DENR: variants seen among roughly 807,000 people sequenced by gnomAD.
DENR encodes the protein density-regulated protein.
DENR carries 6 observed loss-of-function variants against 30.6 expected under a neutral mutation model. The observed-to-expected ratio is 0.20, with a 90% confidence interval of 0.11 to 0.39. DENR has a LOEUF of 0.39. Among genes scored for constraint, DENR ranks in the 10% least tolerant of loss-of-function variants. The probability of loss-of-function intolerance (pLI) is 1.00; values close to 1 mark genes in which losing one functional copy is unlikely to be tolerated. For missense variants in DENR, 141 were observed against 230.9 expected, an observed-to-expected ratio of 0.61 and a Z score of 2.52; for synonymous variants, 78 against 72.1, an observed-to-expected ratio of 1.08 and a Z score of -0.41.
Position 122,769,299 on chromosome 12 carries a change from CATATATACACATATGTATACATAT to C in DENR, c.*229_*252del. 1 of 685,338 alleles carries C rather than the reference CATATATACACATATGTATACATAT, an allele frequency of 1.5e-6. No homozygotes were observed. The highest frequency in any genetic ancestry group is 1.6e-6 in the Non-Finnish European group (1 of 608,970). The allele number at this position is 685,338 out of a possible 1,614,324, so 42.5% of individuals were successfully genotyped here. On this transcript the variant is annotated 3_prime_UTR_variant, in exon 8 of 8. Transcript: ENST00000280557. ...ATACATATATACACATATATGTATA[CATATATACACATATGTATACATAT>C]ATATATATTCTACAGTAAAACTGTA...
chr12:122,764,196 C>G (rs1878782570), intron 4 of DENR, among the ~76,000 whole-genome samples: 1 of 152,064 alleles, frequency 6.6e-6, no homozygotes, highest in African/African-American at 2.4e-5. Flanking sequence ...GCATTGTGGG[C>G]TGTTTTGGCT....
intron 5 of DENR, among the ~76,000 whole-genome samples, chr12:122,765,798 A>G (rs761291430): frequency 6.6e-6 from 1 of 152,138 alleles, no homozygotes; most frequent in Non-Finnish European, 1.5e-5. Flanking sequence ...CCCTGTTTGT[A>G]TGTAAAAAAC....
At chr12:122,760,601 G>C (rs1878672990) in intron 2 of DENR, among the ~76,000 whole-genome samples, 1 of 152,034 alleles carries the variant, frequency 6.6e-6, no homozygotes, top group South Asian at 2.1e-4. Flanking sequence ...CGCGGTGGCG[G>C]GCACCTGTAG....
At chr12:122,762,561 G>C (rs574367397) in intron 3 of DENR, among the ~76,000 whole-genome samples, 50 of 152,298 alleles carry the variant, frequency 3.3e-4, no homozygotes, top group South Asian at 1.0e-3. Context: ...TCTAAGTCCA[G>C]CTCTATGAGC....
At position 122,768,764 on chromosome 12, in the gene DENR, C is replaced by CT; in HGVS notation, c.413-11dup. On this transcript the variant is annotated splice_polypyrimidine_tract_variant and intron_variant, in intron 6 of 7. Coordinates refer to ENST00000280557, the MANE Select transcript of DENR (RefSeq NM_003677.5). ...ATTCCAATTACAGTTCTTGCTCTTTCTTTTTTTAAAAAAATAGAAATTGAT... is the reference window on the plus strand; with the variant it reads ...ATTCCAATTACAGTTCTTGCTCTTTCTTTTTTTTAAAAAAATAGAAATTGAT... 1.3e-6 allele frequency: 2 copies of CT among 1,525,524 alleles called. No individual in the cohort carries two copies. The highest frequency in any genetic ancestry group is 1.8e-6 in the Non-Finnish European group (2 of 1,137,088). 94.5% of individuals were successfully genotyped at this position (1,525,524 alleles called of 1,614,324 possible). A position where few individuals can be genotyped will look rare whatever the true frequency, so the allele number is the denominator to read the frequency against.
chr12:122,755,535 C>T (rs75789455), intron 2 of DENR, among the ~76,000 whole-genome samples: 8,452 of 152,244 alleles, frequency 0.056, 410 homozygotes, highest in East Asian at 0.27. Flanking sequence ...GCCGAGATCA[C>T]GCCATTGCAC....
At chr12:122,767,380 TG>T in intron 5 of DENR, 107 bp from the exon 6 acceptor site, 1 of 696,508 alleles carries the variant, frequency 1.4e-6, no homozygotes, top group Non-Finnish European at 2.3e-6. Context: ...TAGTAATTTT[TG>T]TATTAGAGAA....
chr12:122,764,444 A>G (rs1441646976), intron 4 of DENR, among the ~76,000 whole-genome samples: 1 of 152,110 alleles, frequency 6.6e-6, no homozygotes, highest in Non-Finnish European at 1.5e-5. Context: ...CTAAAAATAC[A>G]AAAAATTAGC....
In DENR at chr12:122,767,613, A is replaced by G; in HGVS notation, c.412+9A>G. ...TGGCCTTGCAACTTTTGGTGAGTTC[A>G]GGCTTAAGTATATTTAAAATGTGTG... On this transcript the variant is annotated intron_variant, in intron 6 of 7. Transcript: ENST00000280557. The G allele has an allele frequency of 2.0e-6, 3 of 1,467,088 alleles. No individual in the cohort carries two copies. The highest frequency in any genetic ancestry group is 2.8e-6 in the Non-Finnish European group (3 of 1,078,142). The allele number at this position is 1,467,088 out of a possible 1,614,324, so 90.9% of individuals were successfully genotyped here. A position where few individuals can be genotyped will look rare whatever the true frequency, so the allele number is the denominator to read the frequency against.
chr12:122,767,128 T>G (rs1878872156), intron 5 of DENR, among the ~76,000 whole-genome samples: 1 of 152,250 alleles, frequency 6.6e-6, no homozygotes, highest in African/African-American at 2.4e-5. Context: ...GGAAACTTTC[T>G]GTGTCCTCTG....
chr12:122,765,630 AC>A (rs1355161219), intron 5 of DENR, among the ~76,000 whole-genome samples: 2 of 152,146 alleles, frequency 1.3e-5, no homozygotes, highest in African/African-American at 2.4e-5. Flanking sequence ...CTCATCCCTT[AC>A]AAAAAGGGGG....
intron 4 of DENR, among the ~76,000 whole-genome samples, chr12:122,763,882 T>C (rs1403364161): frequency 6.6e-6 from 1 of 152,116 alleles, no homozygotes; most frequent in Non-Finnish European, 1.5e-5. Flanking sequence ...AAACATAGTA[T>C]GTAGACAGTA....
intron 2 of DENR, among the ~76,000 whole-genome samples, chr12:122,756,420 C>G (rs956192742): frequency 1.3e-5 from 2 of 151,908 alleles, no homozygotes; most frequent in Non-Finnish European, 2.9e-5. Flanking sequence ...CTGCACTCAG[C>G]CTTTGAGAGC....
chr12:122,768,681 C>CT (rs1242016856), intron 6 of DENR, 101 bp from the exon 7 acceptor site: 15 of 1,056,582 alleles, frequency 1.4e-5, no homozygotes, highest in Non-Finnish European at 2.0e-5. Context: ...CATTAACAAT[C>CT]TGTTTTATGA....
intron 2 of DENR, among the ~76,000 whole-genome samples, chr12:122,757,272 C>CA (rs1878574749): frequency 6.6e-6 from 1 of 152,098 alleles, no homozygotes; most frequent in Non-Finnish European, 1.5e-5. Flanking sequence ...ATTTAGGAAA[C>CA]ACGTTTTAAG....
At chr12:122,768,954 TAA>T in intron 7 of DENR, 33 bp downstream of exon 7, 1 of 1,603,948 alleles carries the variant, frequency 6.2e-7, no homozygotes, top group South Asian at 1.1e-5. Context: ...TCGCTAGAGA[TAA>T]GTTTTTAAAG....
chr12:122,754,125 A>C (rs2135506997), intron 2 of DENR: 1 of 342,816 alleles, frequency 2.9e-6, no homozygotes, highest in East Asian at 6.4e-5. Flanking sequence ...ATTATGAGTT[A>C]AGGATGGCAA....
At chr12:122,759,517 T>G (rs1462446158) in intron 2 of DENR, among the ~76,000 whole-genome samples, 1 of 152,008 alleles carries the variant, frequency 6.6e-6, no homozygotes, top group African/African-American at 2.4e-5. Context: ...GGCCAGGAGT[T>G]CAAGACCAGC....
chr12:122,766,075 A>G (rs1293636402), intron 5 of DENR, among the ~76,000 whole-genome samples: 1 of 150,950 alleles, frequency 6.6e-6, no homozygotes, highest in Non-Finnish European at 1.5e-5. Context: ...CTCTCCCCAA[A>G]GCTCATGTCT....
Sources: allele counts gnomAD v4.1 joint callset (sites outside exome capture counted in the v4.1 genomes callset), GRCh38; gene constraint gnomAD v4.1.1; transcripts MANE v1.5; gene names NCBI Gene and HGNC (gene_info 2026-07-23, HGNC 2026-07-21).